The following SSRP1 variants were observed in gnomAD, a reference collection of about 807,000 sequenced individuals.
SSRP1 encodes FACT complex subunit SSRP1.
SSRP1 carries 21 observed loss-of-function variants against 84.4 expected under a neutral mutation model. The ratio of observed to expected loss-of-function variants is 0.25; its 90% CI spans 0.18 to 0.36. SSRP1 has a LOEUF of 0.36. Among genes scored for constraint, SSRP1 ranks in the 10% least tolerant of loss-of-function variants. The probability of loss-of-function intolerance (pLI) is 1.00; values close to 1 mark genes in which losing one functional copy is unlikely to be tolerated. For missense variants in SSRP1, 519 were observed against 900.8 expected, an observed-to-expected ratio of 0.58 and a Z score of 5.43; for synonymous variants, 319 against 318.3, an observed-to-expected ratio of 1.00 and a Z score of -0.02.
chr11:57,332,868 A>T lies in SSRP1; in HGVS notation c.538-13T>A, dbSNP rs755011595. The stretch of plus-strand genomic sequence containing the variant: ...TCTGGGCAAAGGCCTGCAAAAGCAC[A>T]TATTGGTAGCCAAGCAGCAGGCCCT... On this transcript the variant is annotated splice_polypyrimidine_tract_variant and intron_variant, in intron 5 of 16. Transcript: ENST00000278412. The surrounding 1 kb of genome is among the most constrained non-coding windows in gnomAD (Gnocchi z 5.5). 1 of 1,604,836 alleles carries T rather than the reference A, an allele frequency of 6.2e-7. No homozygotes were observed. Among genetic ancestry groups the T allele is most frequent in the Admixed American group, 1.7e-5 (1 of 59,796 alleles).
At position 57,328,397 on chromosome 11, in the gene SSRP1, G is replaced by A. The variant is rs1185390973; in HGVS notation, c.1511C>T (p.Ser504Phe). 1.2e-6 allele frequency: 2 copies of A among 1,614,200 alleles called. No individual in the cohort carries two copies. Among genetic ancestry groups the A allele is most frequent in the Non-Finnish European group, 1.7e-6 (2 of 1,180,026 alleles). Residue 504 changes from serine (S) to phenylalanine (F), a missense_variant, in exon 13 of 17, where the codon TCC becomes TTC. Transcript: ENST00000278412. ...CCGGTCACTGTCACCCTCATTACTGGAGGAGCTGGCAGAGGCGTTGCTGTC... is the reference window on the plus strand; with the variant it reads ...CCGGTCACTGTCACCCTCATTACTGAAGGAGCTGGCAGAGGCGTTGCTGTC... ...EFDSNASASS[S>F]SNEGDSDRDE...
At position 57,328,456 on chromosome 11, in the gene SSRP1, G is replaced by A. The variant is rs7102220; in HGVS notation, c.1482-30C>T. On this transcript the variant is annotated intron_variant, in intron 12 of 16. Coordinates refer to ENST00000278412, the MANE Select transcript of SSRP1 (RefSeq NM_003146.3). ...CAGAGAACAAGCCAGGCTTAGACTT[G>A]AGGAGGGAAGACAGGACCCCACGGC... 3.2e-3 allele frequency: 5,128 copies of A among 1,613,136 alleles called. 152 individuals carry two copies. In the African/African-American group the frequency reaches 0.059, roughly 19 times the overall value.
intron 2 of SSRP1, 115 bp from the exon 3 acceptor site, chr11:57,334,763 G>A: frequency 1.6e-6 from 2 of 1,268,126 alleles, no homozygotes; most frequent in Non-Finnish European, 2.2e-6. Context: ...TATCAATGCA[G>A]GAGCAACAGC....
At chr11:57,327,946 T>C in intron 13 of SSRP1, 64 bp from the exon 14 acceptor site, 3 of 1,571,486 alleles carry the variant, frequency 1.9e-6, no homozygotes, top group Non-Finnish European at 2.6e-6. Flanking sequence ...CCCAAATAAA[T>C]TATTTAGATC....
rs1302435759 is a variant in SSRP1 at position 57,330,722 on chromosome 11, G to A, written c.1296+133C>T. The A allele has an allele frequency of 2.9e-5, 44 of 1,513,356 alleles. No individual in the cohort carries two copies. Among genetic ancestry groups the A allele is most frequent in the Non-Finnish European group, 3.4e-5 (38 of 1,131,484 alleles). The allele number at this position is 1,513,356 out of a possible 1,614,324, so 93.7% of individuals were successfully genotyped here. On this transcript the variant is annotated intron_variant, in intron 10 of 16. Transcript: ENST00000278412. The surrounding 1 kb of genome is among the most constrained non-coding windows in gnomAD (Gnocchi z 4.0). ...AAACCTGCACCAGGAGGGGGAAAGG[G>A]TCACACGCACCTCTTTTTTCTATAA...
intron 12 of SSRP1, chr11:57,329,686 T>C (rs1474119688): frequency 4.1e-6 from 1 of 241,958 alleles, no homozygotes; most frequent in Non-Finnish European, 8.1e-6. Flanking sequence ...ATCACATTTC[T>C]GACACTGCTA....
At chr11:57,326,656 A>G (rs1463972743) in intron 16 of SSRP1, 47 bp downstream of exon 16, 5 of 1,597,078 alleles carry the variant, frequency 3.1e-6, no homozygotes, top group Middle Eastern at 1.9e-4. Context: ...ACAGACACAC[A>G]TGCCCCTCAC....
intron 2 of SSRP1, 152 bp downstream of exon 2, chr11:57,334,916 T>C: frequency 1.1e-6 from 1 of 911,898 alleles, no homozygotes; most frequent in South Asian, 1.4e-5. Flanking sequence ...TATCTCTCAG[T>C]ATTGCCTTGA....
At position 57,326,399 on chromosome 11, in the gene SSRP1, C is replaced by G; in HGVS notation, c.*8G>C. On this transcript the variant is annotated 3_prime_UTR_variant, in exon 17 of 17. Transcript: ENST00000278412. ...GAAGGCAAGCGCAAAGAGAACCTTC[C>G]TCCGTTTCTACTCATCGGATCCTGA... The G allele has an allele frequency of 6.2e-7, 1 of 1,614,076 alleles. No homozygotes were observed. Among genetic ancestry groups the G allele is most frequent in the Non-Finnish European group, 8.5e-7 (1 of 1,179,932 alleles).
Position 57,333,451 on chromosome 11 carries a change from C to T in SSRP1, c.330G>A (p.Gly110=), listed in dbSNP as rs1221394096. The T allele has an allele frequency of 1.2e-6, 2 of 1,613,978 alleles. No homozygotes were observed. The highest frequency in any genetic ancestry group is 1.7e-6 in the Non-Finnish European group (2 of 1,179,922). Residue 110 remains glycine (G), a synonymous_variant, in exon 4 of 17, where the codon GGG becomes GGA. Coordinates refer to ENST00000278412, the MANE Select transcript of SSRP1 (RefSeq NM_003146.3). The stretch of plus-strand genomic sequence containing the variant: ...AGGACTCACCACCAAATTTCACTGT[C>T]CCCCAGTTCCAGCCCTTCACACAAA... ...KDLCVKGWNW[G]TVKFGGQLLS... is the part of the protein sequence containing the mutation.
chr11:57,332,558 G>C lies in SSRP1; in HGVS notation c.768+67C>G, dbSNP rs919606674. ...AACCAACGTAGAATTCTGCACACCA[G>C]TGAGATCCATCTACTTAACACTTAG... On this transcript the variant is annotated intron_variant, in intron 6 of 16. Transcript: ENST00000278412. The surrounding 1 kb of genome is among the most constrained non-coding windows in gnomAD (Gnocchi z 5.5). 74 of 1,603,760 alleles carry C rather than the reference G, an allele frequency of 4.6e-5. No homozygotes were observed. Among genetic ancestry groups the C allele is most frequent in the Non-Finnish European group, 6.1e-5 (72 of 1,171,556 alleles).
At position 57,328,433 on chromosome 11, in the gene SSRP1, G is replaced by A; in HGVS notation, c.1482-7C>T. On this transcript the variant is annotated splice_polypyrimidine_tract_variant and splice_region_variant and intron_variant, in intron 12 of 16. Transcript: ENST00000278412. ...AGAGGCGTTGCTGTCAAACCTGCCA[G>A]AGAACAAGCCAGGCTTAGACTTGAG... The A allele has an allele frequency of 9.9e-6, 16 of 1,614,052 alleles. No homozygotes were observed. Among genetic ancestry groups the A allele is most frequent in the Non-Finnish European group, 1.3e-5 (15 of 1,179,996 alleles).
intron 13 of SSRP1, 161 bp from the exon 14 acceptor site, chr11:57,328,043 C>T (rs1252054464): frequency 8.3e-5 from 81 of 981,004 alleles, no homozygotes; most frequent in Non-Finnish European, 1.2e-4. Context: ...TCCTTCCCCT[C>T]TGCAATTCAG....
In SSRP1 at chr11:57,326,708, T is replaced by A; in HGVS notation, c.2053A>T (p.Ser685Cys). Residue 685 changes from serine to cysteine, a missense_variant, in exon 16 of 17, where the codon AGC becomes TGC. Ser to Cys is a moderately radical substitution (Grantham distance 112). Coordinates refer to ENST00000278412, the MANE Select transcript of SSRP1 (RefSeq NM_003146.3). ...ENKSKKKRRR[S>C]EDSEEEELAS... Reference sequence around the variant, plus strand: ...GCCCCACATTCCTGCCGCACCTCGCTCCTCCTCCTCTTCTTTTTGCTCTTG... The same window carrying A: ...GCCCCACATTCCTGCCGCACCTCGCACCTCCTCCTCTTCTTTTTGCTCTTG... 2.5e-6 allele frequency: 4 copies of A among 1,612,886 alleles called. No individual in the cohort carries two copies. The highest frequency in any genetic ancestry group is 3.4e-6 in the Non-Finnish European group (4 of 1,179,178).
rs1856033126 is a variant in SSRP1, at chr11:57,328,737, A to G, written c.1482-311T>C. ...CCAGGTCCTAGTCCATCCCCAGGAC[A>G]CCACTGGCAGAAACACTGCCTCATT... is the stretch of plus-strand genomic sequence containing the variant. On this transcript the variant is annotated intron_variant, in intron 12 of 16. Transcript: ENST00000278412. The G allele has an allele frequency of 1.1e-5, 3 of 261,846 alleles. No individual in the cohort carries two copies. The East Asian group carries it at 2.8e-4, about 24-fold the overall frequency. 16.2% of individuals were successfully genotyped at this position (261,846 alleles called of 1,614,324 possible).
Position 57,332,023 on chromosome 11 carries a change from C to A in SSRP1, c.1001+129G>T. The A allele has an allele frequency of 6.5e-7, 1 of 1,529,814 alleles. No individual in the cohort carries two copies. The highest frequency in any genetic ancestry group is 8.9e-7 in the Non-Finnish European group (1 of 1,123,254). The allele number at this position is 1,529,814 out of a possible 1,614,324, so 94.8% of individuals were successfully genotyped here. The stretch of plus-strand genomic sequence containing the variant: ...TGAGCTGTTCTGACAGAGGCGCTGG[C>A]ACCTATTGTGACACAAGGTCCCATC... On this transcript the variant is annotated intron_variant, in intron 8 of 16. Coordinates refer to ENST00000278412, the MANE Select transcript of SSRP1 (RefSeq NM_003146.3). The surrounding 1 kb of genome is among the most constrained non-coding windows in gnomAD (Gnocchi z 5.5).
chr11:57,327,049 G>C, intron 15 of SSRP1, 160 bp from the exon 16 acceptor site: 2 of 1,308,162 alleles, frequency 1.5e-6, no homozygotes, highest in Non-Finnish European at 2.0e-6. Flanking sequence ...CCAAGGGAGA[G>C]TATCATGAGT....
chr11:57,331,573 C>T (rs566984550), intron 9 of SSRP1, 95 bp downstream of exon 9: 2 of 963,952 alleles, frequency 2.1e-6, no homozygotes, highest in Non-Finnish European at 3.3e-6. Context: ...AAATTCTGCT[C>T]TAGGGTTGGA....
Position 57,332,104 on chromosome 11 carries a change from G to T in SSRP1, c.1001+48C>A. ...AGGAAGGGTTTACCAAGGAGACACGGCATTTCCCATACCCAGGCAGGGCAG... is the reference window on the plus strand; with the variant it reads ...AGGAAGGGTTTACCAAGGAGACACGTCATTTCCCATACCCAGGCAGGGCAG... On this transcript the variant is annotated intron_variant, in intron 8 of 16. Transcript: ENST00000278412. This position sits in a 1 kb window ranked among gnomAD's most constrained non-coding sequence, Gnocchi z 5.5. 6.2e-7 allele frequency: 1 copy of T among 1,611,170 alleles called. No homozygotes were observed. Among genetic ancestry groups the T allele is most frequent in the Non-Finnish European group, 8.5e-7 (1 of 1,179,496 alleles).
Sources: gnomAD v4.1 joint callset for allele counts on GRCh38, gnomAD v4.1.1 for gene constraint, Gnocchi (gnomAD v3.1) non-coding constraint, MANE v1.5 for transcripts, NCBI Gene and HGNC (gene_info 2026-07-23, HGNC 2026-07-21) for gene names.